RALGAPA2: variants seen among roughly 807,000 people sequenced by gnomAD.
RALGAPA2 encodes ral GTPase-activating protein subunit alpha-2.
In RALGAPA2, 139 loss-of-function variants were observed where a neutral mutation model predicts 230.4. The ratio of observed to expected loss-of-function variants is 0.60; its 90% CI spans 0.53 to 0.69. The LOEUF (loss-of-function observed/expected upper bound fraction) is 0.69, where lower values mean the gene tolerates loss of function less well. Among genes scored for constraint, RALGAPA2 ranks in the 30% least tolerant of loss-of-function variants. The probability of loss-of-function intolerance (pLI) is 0.00; values close to 1 mark genes in which losing one functional copy is unlikely to be tolerated. For missense variants in RALGAPA2, 2,163 were observed against 2,276.0 expected (o/e 0.95, Z 1.01); for synonymous variants, 847 against 837.8 (o/e 1.01, Z -0.19).
At chr20:20,560,137 G>C (rs1381156845) in intron 23 of RALGAPA2, among the ~76,000 whole-genome samples, 10 of 152,064 alleles carry the variant, frequency 6.6e-5, no homozygotes, top group Non-Finnish European at 1.5e-4. Flanking sequence ...AGAGCACAGG[G>C]CTCTTGCATG....
At position 20,601,807 on chromosome 20, in the gene RALGAPA2, C is replaced by T; in HGVS notation, c.2078G>A (p.Arg693Lys). 1 of 1,613,376 alleles carries T rather than the reference C, an allele frequency of 6.2e-7. No homozygotes were observed. The highest frequency in any genetic ancestry group is 8.5e-7 in the Non-Finnish European group (1 of 1,179,600). The change falls in exon 16 of 40, where the codon AGG becomes AAG. Residue 693 changes from arginine (R) to lysine (K), a missense_variant. Transcript: ENST00000202677. ...LDPQKGTTVG[R>K]SFSLSWRSHP... The stretch of plus-strand genomic sequence containing the variant: ...GCTCCGCCAGCTGAGAGAAAAGGAC[C>T]TCCCCACGGTGGTTCCTTTCTGAGG...
At chr20:20,600,165 G>A (rs1397884324) in intron 16 of RALGAPA2, among the ~76,000 whole-genome samples, 2 of 151,616 alleles carry the variant, frequency 1.3e-5, no homozygotes, top group Non-Finnish European at 2.9e-5. Flanking sequence ...GCATAGTGGT[G>A]CGCACCTGTA....
At chr20:20,521,142 C>T (rs140442423) in intron 30 of RALGAPA2, 42 bp from the exon 31 acceptor site, 22,468 of 1,503,532 alleles carry the variant, frequency 0.015, 349 homozygotes, top group South Asian at 0.061. Context: ...TGCTACTCAC[C>T]GCGTGTCCCC....
chr20:20,498,570 C>T (rs543847975), intron 35 of RALGAPA2, among the ~76,000 whole-genome samples: 2 of 152,304 alleles, frequency 1.3e-5, no homozygotes, highest in Admixed American at 6.5e-5. Context: ...TTGAAGAATT[C>T]CTGCTCCTCA....
At position 20,575,405 on chromosome 20, in the gene RALGAPA2, G is replaced by GT. The variant is rs777780570; in HGVS notation, c.2708-2338dup. On this transcript the variant is annotated intron_variant, in intron 20 of 39. Coordinates refer to ENST00000202677, the MANE Select transcript of RALGAPA2 (RefSeq NM_020343.4). ...CCTCAGATATATGTATGTTGAGTTT[G>GT]TTTTTTTTTTTTTTCCTGGAATTCA... Among the ~76,000 whole-genome samples, 949 of 138,668 alleles carry GT rather than the reference G, an allele frequency of 6.8e-3. 7 individuals are homozygous for GT. Among genetic ancestry groups the GT allele is most frequent in the African/African-American group, 0.016 (614 of 37,988 alleles). The allele number at this position is 138,668 out of a possible 152,430, so 91.0% of individuals were successfully genotyped here. A position where few individuals can be genotyped will look rare whatever the true frequency, so the allele number is the denominator to read the frequency against.
At chr20:20,563,842 CAT>C (rs1491438450) in intron 23 of RALGAPA2, among the ~76,000 whole-genome samples, 60 of 152,180 alleles carry the variant, frequency 3.9e-4, no homozygotes, top group Non-Finnish European at 6.9e-4. Context: ...CACACACACA[CAT>C]GCACAAAACA....
In RALGAPA2 at chr20:20,629,403, G is replaced by A; in HGVS notation, c.1193C>T (p.Thr398Ile). 1.2e-6 allele frequency: 2 copies of A among 1,612,690 alleles called. No homozygotes were observed. The highest frequency in any genetic ancestry group is 1.7e-6 in the Non-Finnish European group (2 of 1,179,402). Residue 398 changes from threonine (T) to isoleucine (I), a missense_variant, in exon 10 of 40, where the codon ACA (threonine) becomes ATA (isoleucine). Physicochemically the swap from Thr to Ile is moderately conservative, Grantham distance 89. Transcript: ENST00000202677. ...YEMVQRILLS[T>I]RGYVNFVNEV... Reference sequence around the variant, plus strand: ...ATTCACGAAGTTGACATAACCTCGTGTTGACAAGAGAATCCGCTGTACCAT... The same window carrying A: ...ATTCACGAAGTTGACATAACCTCGTATTGACAAGAGAATCCGCTGTACCAT...
intron 1 of RALGAPA2, among the ~76,000 whole-genome samples, chr20:20,704,994 T>C (rs1369773050): frequency 1.3e-5 from 2 of 152,228 alleles, no homozygotes; most frequent in South Asian, 2.1e-4. Flanking sequence ...CCAGGAGGCT[T>C]TGCTGCTGTT....
At chr20:20,681,437 G>A (rs756024655) in intron 1 of RALGAPA2, among the ~76,000 whole-genome samples, 10 of 152,148 alleles carry the variant, frequency 6.6e-5, no homozygotes, top group African/African-American at 1.7e-4. Flanking sequence ...CACAGACTGC[G>A]GATAGATAGG....
At chr20:20,543,793 T>C (rs890537260) in intron 24 of RALGAPA2, among the ~76,000 whole-genome samples, 2 of 151,938 alleles carry the variant, frequency 1.3e-5, no homozygotes, top group Non-Finnish European at 2.9e-5. Flanking sequence ...GACGAGTTAA[T>C]GGGTGCAGCA....
At chr20:20,479,646 A>G (rs1414074244) in intron 36 of RALGAPA2, among the ~76,000 whole-genome samples, 2 of 152,218 alleles carry the variant, frequency 1.3e-5, no homozygotes, top group East Asian at 1.9e-4. Flanking sequence ...GTTCTAGAAT[A>G]CCTACAGAAT....
intron 23 of RALGAPA2, among the ~76,000 whole-genome samples, chr20:20,552,416 A>G (rs1019190110): frequency 1.3e-5 from 2 of 152,244 alleles, no homozygotes; most frequent in African/African-American, 4.8e-5. Context: ...TTACTTAAAG[A>G]AAACTAAACA....
At chr20:20,620,228 G>A (rs2066278831) in intron 11 of RALGAPA2, among the ~76,000 whole-genome samples, 1 of 152,188 alleles carries the variant, frequency 6.6e-6, no homozygotes, top group South Asian at 2.1e-4. Flanking sequence ...CAACAAAGAT[G>A]CAACACGCAG....
At chr20:20,529,161 T>C (rs777768749) in intron 27 of RALGAPA2, among the ~76,000 whole-genome samples, 3 of 152,202 alleles carry the variant, frequency 2.0e-5, no homozygotes. Flanking sequence ...TTTCCTGTTA[T>C]TAATAATGGT....
At chr20:20,580,069 T>G (rs2064941705) in intron 20 of RALGAPA2, among the ~76,000 whole-genome samples, 1 of 152,200 alleles carries the variant, frequency 6.6e-6, no homozygotes, top group African/African-American at 2.4e-5. Flanking sequence ...ATCTTTTTAT[T>G]TCTCAGAGCA....
chr20:20,477,308 C>T (rs962004654), intron 36 of RALGAPA2, among the ~76,000 whole-genome samples: 2 of 152,082 alleles, frequency 1.3e-5, no homozygotes, highest in South Asian at 2.1e-4. Context: ...ACATAAAATA[C>T]TCTACCCAAC....
At chr20:20,656,953 G>C (rs2041751304) in intron 3 of RALGAPA2, among the ~76,000 whole-genome samples, 1 of 152,176 alleles carries the variant, frequency 6.6e-6, no homozygotes. Context: ...CCAGATGCGA[G>C]AGATGAAGAC....
chr20:20,630,069 C>A (rs752101137), intron 9 of RALGAPA2, among the ~76,000 whole-genome samples: 2 of 152,156 alleles, frequency 1.3e-5, no homozygotes, highest in Non-Finnish European at 1.5e-5. Context: ...GTGTGAAGAT[C>A]TTTAAAGTGT....
In RALGAPA2 at chr20:20,605,420, C is replaced by T. The variant is rs1000547340; in HGVS notation, c.1801-8G>A. On this transcript the variant is annotated splice_region_variant and splice_polypyrimidine_tract_variant and intron_variant, in intron 14 of 39. Transcript: ENST00000202677. ...CCAAGCTACCATGAGCGTCTAAAAC[C>T]AACCAACCAACAAGAGAATTCACAC... 1 of 1,575,570 alleles carries T rather than the reference C, an allele frequency of 6.3e-7. No individual in the cohort carries two copies. The highest frequency in any genetic ancestry group is 8.7e-7 in the Non-Finnish European group (1 of 1,146,374).
Sources: allele counts gnomAD v4.1 joint callset (sites outside exome capture counted in the v4.1 genomes callset), GRCh38; gene constraint gnomAD v4.1.1; transcripts MANE v1.5; gene names NCBI Gene and HGNC (gene_info 2026-07-23, HGNC 2026-07-21).